TENM3: variants seen among roughly 807,000 people sequenced by gnomAD.
The protein encoded by TENM3 is teneurin-3.
Under a neutral mutation model 255.1 loss-of-function variants are expected in TENM3, and 63 were observed. The observed-to-expected ratio is 0.25, with a 90% CI of 0.20 to 0.30. The LOEUF (loss-of-function observed/expected upper bound fraction) is 0.30. TENM3 is among the 10% of genes least tolerant of loss of function. The probability of loss-of-function intolerance (pLI) is 1.00; values close to 1 mark genes in which losing one functional copy is unlikely to be tolerated. For missense variants in TENM3, 2,929 were observed against 3,461.1 expected, an observed-to-expected ratio of 0.85 and a Z score of 3.86; for synonymous variants, 1,306 against 1,322.3, an observed-to-expected ratio of 0.99 and a Z score of 0.27.
At chr4:182,601,615 C>T (rs1747880119) in intron 4 of TENM3, among the ~76,000 whole-genome samples, 1 of 152,090 alleles carries the variant, frequency 6.6e-6, no homozygotes, top group South Asian at 2.1e-4. Context: ...ATGAATATAA[C>T]ACTTAAGCAC....
At chr4:182,092,111 G>A in the TENM3 span, among the ~76,000 whole-genome samples, 697 of 152,224 alleles carry the variant, frequency 4.6e-3, 1 homozygote, top group African/African-American at 0.016. Context: ...AGGCCAAGGC[G>A]GGTGGATCAC....
the TENM3 span, chr4:182,085,263 C>T: frequency 6.6e-6 from 1 of 152,068 alleles, no homozygotes; most frequent in Non-Finnish European, 1.5e-5. Context: ...AGAAAAAATG[C>T]CTGCTTCTCA....
At chr4:181,713,227 C>T in the TENM3 span, among the ~76,000 whole-genome samples, 1 of 152,106 alleles carries the variant, frequency 6.6e-6, no homozygotes, top group Non-Finnish European at 1.5e-5. Flanking sequence ...TCCATGGTCC[C>T]ATTGCTACAA....
At chr4:182,380,555 A>G (rs945274506) in intron 3 of TENM3, among the ~76,000 whole-genome samples, 3 of 152,230 alleles carry the variant, frequency 2.0e-5, no homozygotes, top group Non-Finnish European at 4.4e-5. Context: ...GTGCCCTGCT[A>G]TATATAAATT....
chr4:182,329,096 G>A (rs1237516515), intron 2 of TENM3, among the ~76,000 whole-genome samples: 2 of 152,150 alleles, frequency 1.3e-5, no homozygotes. Context: ...GCTTGAATGA[G>A]GGCTCATCCA....
the TENM3 span, among the ~76,000 whole-genome samples, chr4:181,752,005 G>C: frequency 6.6e-6 from 1 of 152,046 alleles, no homozygotes; most frequent in Admixed American, 6.6e-5. Flanking sequence ...TCCTGACTTG[G>C]CTTTCTTGCA....
the TENM3 span, among the ~76,000 whole-genome samples, chr4:182,045,397 A>AC: frequency 1.5e-5 from 2 of 133,404 alleles, no homozygotes; most frequent in East Asian, 2.3e-4. Flanking sequence ...GCCTCAATTA[A>AC]AAAAAAAAAA....
At chr4:182,128,360 T>A in the TENM3 span, among the ~76,000 whole-genome samples, 1 of 152,156 alleles carries the variant, frequency 6.6e-6, no homozygotes, top group Non-Finnish European at 1.5e-5. Context: ...TTTACTTTTT[T>A]AAGAGACGGG....
chr4:182,410,542 A>G (rs1396700708), intron 3 of TENM3, among the ~76,000 whole-genome samples: 1 of 152,214 alleles, frequency 6.6e-6, no homozygotes, highest in South Asian at 2.1e-4. Flanking sequence ...ATAAAAAGGC[A>G]TTTTCCTCAT....
chr4:181,527,589 C>T, the TENM3 span, among the ~76,000 whole-genome samples: 1 of 149,440 alleles, frequency 6.7e-6, no homozygotes, highest in African/African-American at 2.5e-5. Context: ...TGGTCTCGAA[C>T]TCCTGACCTC....
At chr4:181,575,020 AT>A in the TENM3 span, among the ~76,000 whole-genome samples, 5 of 152,178 alleles carry the variant, frequency 3.3e-5, no homozygotes, top group African/African-American at 1.2e-4. Context: ...TATAAAAGTA[AT>A]TCATGCAAGT....
In TENM3 at chr4:182,680,350, G is replaced by A; in HGVS notation, c.1639+1G>A. The A allele has an allele frequency of 6.3e-7, 1 of 1,587,492 alleles. No homozygotes were observed. The highest frequency in any genetic ancestry group is 8.6e-7 in the Non-Finnish European group (1 of 1,160,626). On this transcript the variant is annotated splice_donor_variant, in intron 9 of 27. Transcript: ENST00000511685. LOFTEE classifies it high-confidence loss of function. ...TTTCTGGGTCCGGATTGTTCAAGAG[G>A]TATGCAAGTTAGATTCTTCTCTTAA...
chr4:182,611,474 A>T (rs951594020), intron 4 of TENM3, among the ~76,000 whole-genome samples: 132 of 152,144 alleles, frequency 8.7e-4, no homozygotes, highest in African/African-American at 3.1e-3. Context: ...TCTAACATTT[A>T]TATAAACATT....
the TENM3 span, among the ~76,000 whole-genome samples, chr4:182,100,746 C>CACACATATATAT: frequency 1.2e-5 from 1 of 86,394 alleles, no homozygotes; most frequent in African/African-American, 4.8e-5. Context: ...CATATATATA[C>CACACATATATAT]ACACATATAT....
chr4:182,572,707 TC>T lies in TENM3; in HGVS notation c.512-28215del, dbSNP rs34275808. On this transcript the variant is annotated intron_variant, in intron 3 of 27. Coordinates refer to ENST00000511685, the MANE Select transcript of TENM3 (RefSeq NM_001080477.4). ...TGAAGGCAATCAGGTTAAAGAAACT[TC>T]CTGTAGTGGTTTTAAAAGAGAGTAG... is the stretch of plus-strand genomic sequence containing the variant. Among the ~76,000 whole-genome samples the T allele has an allele frequency of 6.2e-3, 941 of 152,306 alleles. 3 individuals are homozygous for T. Among genetic ancestry groups the T allele is most frequent in the African/African-American group, 0.022 (897 of 41,554 alleles).
chr4:182,547,023 A>T (rs2151913140), intron 3 of TENM3, among the ~76,000 whole-genome samples: 1 of 152,280 alleles, frequency 6.6e-6, no homozygotes, highest in South Asian at 2.1e-4. Flanking sequence ...TTTTTACAAA[A>T]GAAATATCTC....
chr4:181,588,230 A>G, the TENM3 span, among the ~76,000 whole-genome samples: 3 of 152,168 alleles, frequency 2.0e-5, no homozygotes, highest in South Asian at 4.1e-4. Flanking sequence ...CAGGAAGGCA[A>G]TCCTTCTCCG....
chr4:182,398,347 C>T (rs1371797450), intron 3 of TENM3, among the ~76,000 whole-genome samples: 1 of 152,174 alleles, frequency 6.6e-6, no homozygotes, highest in Non-Finnish European at 1.5e-5. Context: ...CACACACATG[C>T]ACCCCACACC....
At chr4:181,642,009 A>G in the TENM3 span, among the ~76,000 whole-genome samples, 1 of 151,288 alleles carries the variant, frequency 6.6e-6, no homozygotes, top group South Asian at 2.1e-4. Flanking sequence ...GCTGGGTCAA[A>G]TGGTATTTCT....
Sources: gnomAD v4.1 joint callset for allele counts (sites outside exome capture counted in the v4.1 genomes callset) on GRCh38, gnomAD v4.1.1 for gene constraint, MANE v1.5 for transcripts, NCBI Gene and HGNC (gene_info 2026-07-23, HGNC 2026-07-21) for gene names.